KCNT1: variants seen among roughly 807,000 people sequenced by gnomAD.
The protein encoded by KCNT1 is potassium sodium-activated channel subfamily T member 1.
In KCNT1, 78 loss-of-function variants were observed where a neutral mutation model predicts 147.8. The observed-to-expected ratio is 0.53, with a 90% confidence interval of 0.44 to 0.64. KCNT1 has a LOEUF of 0.64. Ranked by LOEUF, KCNT1 falls within the 30% of genes least tolerant of loss-of-function variation. The probability of loss-of-function intolerance (pLI) is 0.00; values close to 1 mark genes in which losing one functional copy is unlikely to be tolerated. For synonymous variants in KCNT1, 867 were observed against 748.8 expected, an observed-to-expected ratio of 1.16 and a Z score of -2.58; for missense variants, 1,419 against 1,750.3, an observed-to-expected ratio of 0.81 and a Z score of 3.38.
rs1222157071 is a variant in KCNT1, at chr9:135,792,038, C to T, written c.3588-3C>T. On this transcript the variant is annotated splice_polypyrimidine_tract_variant and splice_region_variant and intron_variant, in intron 30 of 30. Coordinates refer to ENST00000371757, the MANE Select transcript of KCNT1 (RefSeq NM_020822.3). ...CTCCAGGGTCCTCTGTGCCCTCCCG[C>T]AGCTATCTCATCCGCTCCGACCCCC... The T allele has an allele frequency of 1.2e-6, 2 of 1,603,974 alleles. No individual in the cohort carries two copies. Among genetic ancestry groups the T allele is most frequent in the East Asian group, 4.5e-5 (2 of 44,846 alleles).
chr9:135,710,083 ATTCT>A (rs1395421741), intron 1 of KCNT1, among the ~76,000 whole-genome samples: 1 of 152,124 alleles, frequency 6.6e-6, no homozygotes, highest in Non-Finnish European at 1.5e-5. Flanking sequence ...TTGGTCGCTT[ATTCT>A]TTCCTTTTGC....
At chr9:135,740,047 T>C (rs948985365) in intron 2 of KCNT1, among the ~76,000 whole-genome samples, 1 of 152,168 alleles carries the variant, frequency 6.6e-6, no homozygotes, top group Non-Finnish European at 1.5e-5. Context: ...TCTCCCTGTG[T>C]CCTCTCCTGG....
intron 24 of KCNT1, among the ~76,000 whole-genome samples, chr9:135,783,492 G>A (rs757708905): frequency 1.3e-5 from 2 of 152,230 alleles, no homozygotes; most frequent in Admixed American, 6.5e-5. Context: ...GACAGGTGTC[G>A]TTTTAGCTGC....
At chr9:135,709,204 G>T (rs1026167042) in intron 1 of KCNT1, among the ~76,000 whole-genome samples, 1 of 152,170 alleles carries the variant, frequency 6.6e-6, no homozygotes, top group Non-Finnish European at 1.5e-5. Flanking sequence ...GAAAGCGGTC[G>T]TGTTTAGTTT....
rs1835615035 is a variant in KCNT1 at position 135,714,053 on chromosome 9, C to G, written c.111-524C>G. Among the ~76,000 whole-genome samples, 1 of 152,126 alleles carries G rather than the reference C, an allele frequency of 6.6e-6. No homozygotes were observed. Among genetic ancestry groups the G allele is most frequent in the South Asian group, 2.1e-4 (1 of 4,828 alleles). ...AGGGTGTCTTCTTAGGCCTCCTGGT[C>G]ACTCCACCCTCACCCCTCAACAGCC... On this transcript the variant is annotated intron_variant, in intron 1 of 30. Transcript: ENST00000371757. This position sits in a 1 kb window ranked among gnomAD's most constrained non-coding sequence, Gnocchi z 6.2.
chr9:135,732,750 A>ATCTCTCTCTCTCTCTC, intron 2 of KCNT1, among the ~76,000 whole-genome samples: 1 of 147,762 alleles, frequency 6.8e-6, no homozygotes, highest in East Asian at 2.0e-4. Flanking sequence ...AGTCCAACCT[A>ATCTCTCTCTCTCTCTC]TCTCTCTCTC....
At position 135,792,122 on chromosome 9, in the gene KCNT1, G is replaced by C. The variant is rs556454353; in HGVS notation, c.3669G>C (p.Ser1223=). The C allele has an allele frequency of 1.6e-5, 25 of 1,605,842 alleles. No individual in the cohort carries two copies. In the Admixed American group the frequency reaches 1.7e-4, roughly 11 times the overall value. Reference sequence around the variant, plus strand: ...AGAGCAGCTGCAGCCACAAGCTGTCGTCCTGCAACCCCGAGACTCGCGACG... The same window carrying C: ...AGAGCAGCTGCAGCCACAAGCTGTCCTCCTGCAACCCCGAGACTCGCGACG... ...SRKSSCSHKL[S]SCNPETRDET... is the part of the protein sequence containing the mutation. The change falls in exon 31 of 31, where the codon TCG becomes TCC. Residue 1223 remains serine, a synonymous_variant. Transcript: ENST00000371757.
chr9:135,729,241 A>G (rs1836335184), intron 2 of KCNT1, among the ~76,000 whole-genome samples: 1 of 152,210 alleles, frequency 6.6e-6, no homozygotes, highest in South Asian at 2.1e-4. Context: ...GCAGTGGAAG[A>G]GGTGAAGTGA....
chr9:135,707,003 G>A (rs1468276285), intron 1 of KCNT1, among the ~76,000 whole-genome samples: 4 of 151,720 alleles, frequency 2.6e-5, no homozygotes, highest in Non-Finnish European at 5.9e-5. Context: ...ACAGGCCCAA[G>A]GCCAGGCACG....
Position 135,774,661 on chromosome 9 carries a change from ATGT to A in KCNT1, c.2244-647_2244-645del, listed in dbSNP as rs369557820. 5.1e-3 allele frequency among the ~76,000 whole-genome samples: 774 copies of A among 151,268 alleles called. 2 individuals carry two copies. Among genetic ancestry groups the A allele is most frequent in the South Asian group, 0.011 (55 of 4,784 alleles). The stretch of plus-strand genomic sequence containing the variant: ...TTGTGTGTCTGGGTGTGTGGTGTGT[ATGT>A]TATGTGTCCGTGCACGTGGTGCACG... On this transcript the variant is annotated intron_variant, in intron 19 of 30. Transcript: ENST00000371757.
Position 135,714,619 on chromosome 9 carries a change from C to T in KCNT1, c.153C>T (p.Gly51=). ...ACGGCGCGCTCCTGGACACCGCCGG[C>T]TTCAAGATGAGCGACCTGGACTCCG... The part of the protein sequence containing the change: ...AGDGALLDTA[G]FKMSDLDSEV... The change falls in exon 2 of 31, where the codon GGC becomes GGT. Residue 51 remains glycine (G), a synonymous_variant. Coordinates refer to ENST00000371757, the MANE Select transcript of KCNT1 (RefSeq NM_020822.3). The surrounding 1 kb of genome is among the most constrained non-coding windows in gnomAD (Gnocchi z 6.2). 1 of 1,455,756 alleles carries T rather than the reference C, an allele frequency of 6.9e-7. No homozygotes were observed. Among genetic ancestry groups the T allele is most frequent in the Non-Finnish European group, 9.2e-7 (1 of 1,091,828 alleles). 90.2% of individuals were successfully genotyped at this position (1,455,756 alleles called of 1,614,324 possible).
rs1051327332 is a variant in KCNT1 at position 135,714,008 on chromosome 9, G to C, written c.111-569G>C. 6.6e-6 allele frequency among the ~76,000 whole-genome samples: 1 copy of C among 152,122 alleles called. No individual in the cohort carries two copies. On this transcript the variant is annotated intron_variant, in intron 1 of 30. Coordinates refer to ENST00000371757, the MANE Select transcript of KCNT1 (RefSeq NM_020822.3). This position sits in a 1 kb window ranked among gnomAD's most constrained non-coding sequence, Gnocchi z 6.2. ...GTTCTGACCTGAGCTGAGCTGCTCC[G>C]CCTGGGGAGGCTGCAAACAAGGGTG...
chr9:135,773,276 C>T (rs559431893), intron 19 of KCNT1, among the ~76,000 whole-genome samples: 8 of 152,264 alleles, frequency 5.3e-5, no homozygotes, highest in South Asian at 2.1e-4. Flanking sequence ...CACCAGGCAG[C>T]GCCACCCTCA....
chr9:135,785,460 G>T (rs1032263069), intron 28 of KCNT1, 130 bp downstream of exon 28: 12 of 1,177,256 alleles, frequency 1.0e-5, no homozygotes, highest in Non-Finnish European at 1.5e-5. Flanking sequence ...GGCAGGAGCG[G>T]GTCCCACGGA....
At chr9:135,788,229 C>T (rs919538085) in intron 29 of KCNT1, 2 of 1,298,230 alleles carry the variant, frequency 1.5e-6, no homozygotes, top group South Asian at 1.2e-5. Flanking sequence ...CCGCCGGCAG[C>T]CTTGCTGCGC....
intron 24 of KCNT1, among the ~76,000 whole-genome samples, chr9:135,781,514 C>T (rs1468533386): frequency 2.0e-5 from 3 of 152,302 alleles, no homozygotes; most frequent in Admixed American, 1.3e-4. Flanking sequence ...GGCCAGCATA[C>T]GGTGACCTGC....
intron 2 of KCNT1, among the ~76,000 whole-genome samples, chr9:135,731,983 TATATATATAGAGAGAG>T (rs1238163397): frequency 8.8e-4 from 22 of 24,894 alleles, no homozygotes; most frequent in African/African-American, 3.0e-3. Flanking sequence ...TATATATATA[TATATATATAGAGAGAG>T]AGAGAGAGAG....
At chr9:135,778,374 G>A (rs1833332319) in intron 21 of KCNT1, 50 bp from the exon 22 acceptor site, 1 of 1,506,246 alleles carries the variant, frequency 6.6e-7, no homozygotes, top group Non-Finnish European at 9.0e-7. Context: ...GGCCTGAGGA[G>A]GGCAGGCCTT....
chr9:135,758,627 A>G (rs772729589), intron 10 of KCNT1, 119 bp downstream of exon 10: 78 of 813,400 alleles, frequency 9.6e-5, no homozygotes, highest in Non-Finnish European at 1.4e-4. Flanking sequence ...AAAAGGCCAC[A>G]GTGCCTGGGC....
Sources: gnomAD v4.1 joint callset for allele counts (sites outside exome capture counted in the v4.1 genomes callset) on GRCh38, gnomAD v4.1.1 for gene constraint, Gnocchi (gnomAD v3.1) non-coding constraint, MANE v1.5 for transcripts, NCBI Gene and HGNC (gene_info 2026-07-23, HGNC 2026-07-21) for gene names.